SUPT3H: variants seen among roughly 807,000 people sequenced by gnomAD.
SUPT3H encodes SPT3 homolog, SAGA and STAGA complex component, also known as transcription initiation protein SPT3 homolog.
Under a neutral mutation model 44.3 loss-of-function variants are expected in SUPT3H, and 44 were observed. The observed-to-expected ratio is 0.99, with a 90% CI of 0.78 to 1.28. The LOEUF is 1.28. SUPT3H is among the 50% of genes most tolerant of loss of function. SUPT3H has a pLI of 0.00. For missense variants in SUPT3H, 380 were observed against 387.1 expected (o/e 0.98, Z 0.15); for synonymous variants, 124 against 125.6 (o/e 0.99, Z 0.09).
At chr6:45,199,349 T>C (rs1762111874) in intron 2 of SUPT3H, among the ~76,000 whole-genome samples, 1 of 151,262 alleles carries the variant, frequency 6.6e-6, no homozygotes, top group Non-Finnish European at 1.5e-5. Context: ...ACCTGAGACC[T>C]GCTCTGGTCA....
At chr6:45,219,915 CG>C (rs1181735519) in intron 2 of SUPT3H, among the ~76,000 whole-genome samples, 2 of 151,042 alleles carry the variant, frequency 1.3e-5, no homozygotes, top group Non-Finnish European at 3.0e-5. Context: ...GGCACGTGCC[CG>C]TAGTCCCAGC....
intron 2 of SUPT3H, among the ~76,000 whole-genome samples, chr6:45,130,712 C>CAT (rs1358503809): frequency 3.4e-5 from 3 of 88,602 alleles, no homozygotes; most frequent in Admixed American, 1.2e-4. Context: ...AAAAAAACCA[C>CAT]TTTTTTTTTT....
chr6:45,185,585 A>G (rs568622658), intron 2 of SUPT3H, among the ~76,000 whole-genome samples: 1 of 152,322 alleles, frequency 6.6e-6, no homozygotes, highest in African/African-American at 2.4e-5. Flanking sequence ...TCACTCACCA[A>G]TCAGAATTCA....
chr6:45,330,358 T>C (rs1787215712), intron 2 of SUPT3H, among the ~76,000 whole-genome samples: 2 of 151,766 alleles, frequency 1.3e-5, no homozygotes, highest in Non-Finnish European at 2.9e-5. Context: ...ACCCAAGAGA[T>C]AAAAGGAAAA....
intron 3 of SUPT3H, among the ~76,000 whole-genome samples, chr6:45,089,583 T>C (rs1453025754): frequency 2.0e-5 from 3 of 152,048 alleles, no homozygotes; most frequent in Non-Finnish European, 4.4e-5. Flanking sequence ...ATTCTCCCAA[T>C]TGCTTAGGAA....
chr6:44,899,994 CA>C (rs1025335658), intron 10 of SUPT3H, among the ~76,000 whole-genome samples: 1 of 152,122 alleles, frequency 6.6e-6, no homozygotes, highest in Admixed American at 6.5e-5. Context: ...TTTTTAAAAC[CA>C]AAAGGCACTA....
At chr6:45,039,215 G>T (rs1024382217) in intron 3 of SUPT3H, among the ~76,000 whole-genome samples, 11 of 152,078 alleles carry the variant, frequency 7.2e-5, no homozygotes, top group Admixed American at 1.3e-4. Flanking sequence ...GAAACAGGAA[G>T]AAAAAGACGC....
chr6:45,012,345 TTTATTA>T (rs936528155), intron 5 of SUPT3H, among the ~76,000 whole-genome samples: 1 of 151,982 alleles, frequency 6.6e-6, no homozygotes, highest in Non-Finnish European at 1.5e-5. Context: ...TTAATTTTTC[TTTATTA>T]TTTTTTCACT....
intron 9 of SUPT3H, among the ~76,000 whole-genome samples, chr6:44,941,991 CAT>C (rs1772515806): frequency 6.6e-6 from 1 of 152,080 alleles, no homozygotes; most frequent in South Asian, 2.1e-4. Flanking sequence ...AGAATACAGA[CAT>C]AGACTGGGAT....
At chr6:44,900,704 G>A (rs1390209891) in intron 10 of SUPT3H, among the ~76,000 whole-genome samples, 4 of 152,160 alleles carry the variant, frequency 2.6e-5, no homozygotes, top group Non-Finnish European at 4.4e-5. Context: ...TTAGAGATCT[G>A]AGAACCGACA....
chr6:45,282,344 AT>A (rs2153667376), intron 2 of SUPT3H, among the ~76,000 whole-genome samples: 1 of 146,160 alleles, frequency 6.8e-6, no homozygotes, highest in East Asian at 2.0e-4. Flanking sequence ...TGAAAAAAAA[AT>A]TAGACGAATG....
chr6:44,825,809 T>C (rs1023990627), downstream of SUPT3H, among the ~76,000 whole-genome samples: 1 of 152,162 alleles, frequency 6.6e-6, no homozygotes, highest in Non-Finnish European at 1.5e-5. Context: ...TATCTATCTA[T>C]CTTTACCCTC....
intron 2 of SUPT3H, among the ~76,000 whole-genome samples, chr6:45,170,062 A>G (rs1810521640): frequency 6.6e-6 from 1 of 152,214 alleles, no homozygotes; most frequent in Non-Finnish European, 1.5e-5. Context: ...CTCTCTTTCA[A>G]CACAGAAAGT....
intron 2 of SUPT3H, among the ~76,000 whole-genome samples, chr6:45,129,670 T>A (rs111271950): frequency 6.6e-6 from 1 of 152,142 alleles, no homozygotes; most frequent in Non-Finnish European, 1.5e-5. Context: ...ACTATTTTAA[T>A]AAATTTAAAA....
At chr6:44,942,638 C>T (rs971347707) in intron 9 of SUPT3H, among the ~76,000 whole-genome samples, 5 of 152,042 alleles carry the variant, frequency 3.3e-5, no homozygotes, top group African/African-American at 7.2e-5. Context: ...TCACTATGTC[C>T]GGGCTAGTCT....
intron 6 of SUPT3H, among the ~76,000 whole-genome samples, chr6:44,987,742 T>C (rs1159841258): frequency 6.6e-6 from 1 of 152,114 alleles, no homozygotes; most frequent in East Asian, 1.9e-4. Context: ...TGATAAAAAT[T>C]AACCAATAAT....
chr6:44,811,290 G>A (rs1412947368), intron 11 of SUPT3H, among the ~76,000 whole-genome samples: 1 of 152,162 alleles, frequency 6.6e-6, no homozygotes, highest in Non-Finnish European at 1.5e-5. Context: ...GATTAGAAGG[G>A]GTTATGGGTT....
chr6:45,029,343 G>GTA (rs140292645), intron 3 of SUPT3H, among the ~76,000 whole-genome samples: 48,910 of 146,156 alleles, frequency 0.33, 8,335 homozygotes, highest in Non-Finnish European at 0.37. Context: ...ATTTGTATGT[G>GTA]TATATATATA....
intron 11 of SUPT3H, among the ~76,000 whole-genome samples, chr6:44,817,157 G>C (rs764911966): frequency 3.3e-5 from 5 of 150,036 alleles, no homozygotes; most frequent in Non-Finnish European, 1.5e-5. Flanking sequence ...AATACATCAT[G>C]ACCGAATTGC....
Sources: gnomAD v4.1 joint callset for allele counts (sites outside exome capture counted in the v4.1 genomes callset) on GRCh38, gnomAD v4.1.1 for gene constraint, MANE v1.5 for transcripts, NCBI Gene and HGNC (gene_info 2026-07-23, HGNC 2026-07-21) for gene names.